TSPAN32: variants seen among roughly 807,000 people sequenced by gnomAD.
TSPAN32 encodes tetraspanin-32.
A neutral mutation model predicts 42.7 loss-of-function variants in TSPAN32; 47 were observed. That is an observed-to-expected ratio of 1.10 (90% CI 0.87 to 1.40). TSPAN32 has a LOEUF of 1.40. TSPAN32 is among the 40% of genes most tolerant of loss of function. The pLI, the probability that TSPAN32 is intolerant of heterozygous loss-of-function variation, is 0.00. For synonymous variants in TSPAN32, 175 were observed against 175.9 expected, an observed-to-expected ratio of 0.99 and a Z score of 0.04; for missense variants, 469 against 424.1, an observed-to-expected ratio of 1.11 and a Z score of -0.93.
Position 2,314,857 on chromosome 11 carries a change from A to T in TSPAN32, c.543+286A>T. On this transcript the variant is annotated intron_variant, in intron 6 of 9. Coordinates refer to ENST00000182290, the MANE Select transcript of TSPAN32 (RefSeq NM_139022.3). ...CATGCGCCATTCACTCCTTCAAGCC[A>T]GTTCCAGCCTGGGGACTTCCCAAGG... 8.6e-6 allele frequency: 4 copies of T among 466,520 alleles called. No individual in the cohort carries two copies. In the South Asian group the frequency reaches 9.1e-5, roughly 11 times the overall value. The allele number at this position is 466,520 out of a possible 1,614,324, so 28.9% of individuals were successfully genotyped here.
rs371556972 is a variant in TSPAN32, at chr11:2,317,452, G to A, written c.828G>A (p.Ser276=). Reference sequence around the variant, plus strand: ...TTGCTATTGGTCCAAGAGGATGCTCGGGTAGTCTTCGGTGGCTGCAGGAGA... The same window carrying A: ...TTGCTATTGGTCCAAGAGGATGCTCAGGTAGTCTTCGGTGGCTGCAGGAGA... ...EAVAIGPRGC[S]GSLRWLQESD... is the part of the protein sequence containing the mutation. Residue 276 remains serine, a synonymous_variant, in exon 9 of 10, where the codon TCG becomes TCA. Transcript: ENST00000182290. The surrounding 1 kb of genome is among the most constrained non-coding windows in gnomAD (Gnocchi z 6.2). 1.4e-5 allele frequency: 23 copies of A among 1,602,822 alleles called. No homozygotes were observed. Among genetic ancestry groups the A allele is most frequent in the Middle Eastern group, 1.7e-4 (1 of 6,056 alleles).
At chr11:2,306,689 T>A (rs963996376) in intron 3 of TSPAN32, among the ~76,000 whole-genome samples, 2 of 150,496 alleles carry the variant, frequency 1.3e-5, no homozygotes, top group Non-Finnish European at 3.0e-5. Context: ...GAGTGATAGC[T>A]TCCAGATGGG....
At chr11:2,309,288 G>A (rs7108898) in intron 4 of TSPAN32, 30,616 of 455,996 alleles carry the variant, frequency 0.067, 1,651 homozygotes, top group African/African-American at 0.19. Flanking sequence ...CGCGGACTGG[G>A]GTGTCGCAGC....
intron 6 of TSPAN32, 186 bp from the exon 7 acceptor site, chr11:2,316,043 G>A (rs1768529267): frequency 2.0e-6 from 3 of 1,534,102 alleles, no homozygotes; most frequent in Non-Finnish European, 1.7e-6. Flanking sequence ...GTCCCACTGG[G>A]CTTCACCTGC....
chr11:2,315,950 C>T (rs1848760532), intron 6 of TSPAN32: 3 of 1,527,030 alleles, frequency 2.0e-6, no homozygotes, highest in Non-Finnish European at 2.6e-6. Flanking sequence ...CAACGTGTGG[C>T]CCAACATGGA....
Position 2,305,884 on chromosome 11 carries a change from C to A in TSPAN32, c.279+1680C>A, listed in dbSNP as rs1848050836. 1.3e-5 allele frequency among the ~76,000 whole-genome samples: 2 copies of A among 152,242 alleles called. 1 individual carries two copies. The highest frequency in any genetic ancestry group is 4.1e-4 in the South Asian group (2 of 4,832). On this transcript the variant is annotated intron_variant, in intron 3 of 9. Coordinates refer to ENST00000182290, the MANE Select transcript of TSPAN32 (RefSeq NM_139022.3). ...CTGGATGGTGAGCTCAGCATGGCCACAGCAGGGAGCTGGGAGACCCCAGTC... is the reference window on the plus strand; with the variant it reads ...CTGGATGGTGAGCTCAGCATGGCCAAAGCAGGGAGCTGGGAGACCCCAGTC...
rs752238139 is a variant in TSPAN32 at position 2,316,396 on chromosome 11, C to T, written c.627+84C>T. 2.1e-5 allele frequency: 33 copies of T among 1,545,064 alleles called. No individual in the cohort carries two copies. The East Asian group carries it at 4.6e-4, about 22-fold the overall frequency. On this transcript the variant is annotated intron_variant, in intron 7 of 9. Transcript: ENST00000182290. ...CCCCGACTCAGATGGAAGGGTGACC[C>T]GGGACAGGATCTCTGGTCTTGAGCC...
chr11:2,314,660 C>A, intron 6 of TSPAN32, 89 bp downstream of exon 6: 1 of 1,067,598 alleles, frequency 9.4e-7, no homozygotes, highest in Admixed American at 2.0e-5. Context: ...GCCATCCTCC[C>A]ACCCCACCCC....
At chr11:2,308,464 C>T (rs4995051) in intron 3 of TSPAN32, among the ~76,000 whole-genome samples, 2 of 13,702 alleles carry the variant, frequency 1.5e-4, no homozygotes. Flanking sequence ...GACCAGCCCC[C>T]AACAGTGACC....
Position 2,304,049 on chromosome 11 carries a change from G to GT in TSPAN32, c.182-57dup, listed in dbSNP as rs1352828401. On this transcript the variant is annotated intron_variant, in intron 2 of 9. Transcript: ENST00000182290. The surrounding 1 kb of genome is among the most constrained non-coding windows in gnomAD (Gnocchi z 4.8). ...AAGTTAGATTTCACACCCAGGCTGT[G>GT]TGCACTCAGGACCTGTCCTGGGCAC... 1 of 1,339,212 alleles carries GT rather than the reference G, an allele frequency of 7.5e-7. No homozygotes were observed. Among genetic ancestry groups the GT allele is most frequent in the African/African-American group, 1.5e-5 (1 of 68,682 alleles). The allele number at this position is 1,339,212 out of a possible 1,614,324, so 83.0% of individuals were successfully genotyped here. A position where few individuals can be genotyped will look rare whatever the true frequency, so the allele number is the denominator to read the frequency against.
chr11:2,316,744 T>A lies in TSPAN32; in HGVS notation c.719+77T>A, dbSNP rs965378370. ...CTCGAGAGGCATCTGCTCTGCCAGC[T>A]GCTAGGAGGGAGCCCCGGGACCAAG... On this transcript the variant is annotated intron_variant, in intron 8 of 9. Transcript: ENST00000182290. 1.1e-5 allele frequency: 16 copies of A among 1,440,858 alleles called. No homozygotes were observed. In the East Asian group the frequency reaches 3.8e-4, roughly 34 times the overall value. The allele number at this position is 1,440,858 out of a possible 1,614,324, so 89.3% of individuals were successfully genotyped here. A position where few individuals can be genotyped will look rare whatever the true frequency, so the allele number is the denominator to read the frequency against.
At chr11:2,306,501 C>T (rs548646323) in intron 3 of TSPAN32, among the ~76,000 whole-genome samples, 105 of 152,042 alleles carry the variant, frequency 6.9e-4, no homozygotes, top group African/African-American at 2.5e-3. Flanking sequence ...GTGGGCCCAT[C>T]CACCACCCAA....
chr11:2,309,761 T>A (rs1431234921), intron 4 of TSPAN32, among the ~76,000 whole-genome samples: 1 of 152,144 alleles, frequency 6.6e-6, no homozygotes, highest in Non-Finnish European at 1.5e-5. Context: ...GTGCAGTTTC[T>A]TGAGCTGTGC....
Position 2,317,543 on chromosome 11 carries a change from G to C in TSPAN32, c.901+18G>C. ...CCACAGAGGTGAAGACGCCCCTGCT[G>C]TCAGCCCTCATGGGATCCCTGAGGG... On this transcript the variant is annotated intron_variant, in intron 9 of 9. Transcript: ENST00000182290. This position sits in a 1 kb window ranked among gnomAD's most constrained non-coding sequence, Gnocchi z 6.2. 6.4e-7 allele frequency: 1 copy of C among 1,560,308 alleles called. No individual in the cohort carries two copies. Among genetic ancestry groups the C allele is most frequent in the South Asian group, 1.2e-5 (1 of 85,756 alleles).
intron 6 of TSPAN32, chr11:2,315,177 C>CCCCA: frequency 1.4e-6 from 1 of 739,136 alleles, no homozygotes; most frequent in Non-Finnish European, 1.8e-6. Flanking sequence ...GCCCACCCTG[C>CCCCA]CCCCTCCCTG....
At chr11:2,306,526 G>A (rs761014189) in intron 3 of TSPAN32, among the ~76,000 whole-genome samples, 3 of 150,350 alleles carry the variant, frequency 2.0e-5, no homozygotes, top group Non-Finnish European at 4.4e-5. Context: ...CTCTCTGCGC[G>A]GGAGGTTGGT....
At chr11:2,314,704 A>G in intron 6 of TSPAN32, 133 bp downstream of exon 6, 3 of 696,404 alleles carry the variant, frequency 4.3e-6, no homozygotes, top group Non-Finnish European at 7.4e-6. Context: ...ACTGCCGCTG[A>G]AGGGCTCAGG....
chr11:2,303,397 C>T (rs908145489), intron 2 of TSPAN32: 6 of 212,602 alleles, frequency 2.8e-5, no homozygotes, highest in Admixed American at 2.3e-4. Flanking sequence ...TCTAGCCAGA[C>T]GCCTCCCTGC....
chr11:2,315,579 G>A (rs940452984), intron 6 of TSPAN32: 29 of 1,176,846 alleles, frequency 2.5e-5, no homozygotes, highest in Admixed American at 3.7e-5. Flanking sequence ...ACCCAGATGG[G>A]CTGGCATGGG....
Sources: gnomAD v4.1 joint callset for allele counts (sites outside exome capture counted in the v4.1 genomes callset) on GRCh38, gnomAD v4.1.1 for gene constraint, Gnocchi (gnomAD v3.1) non-coding constraint, MANE v1.5 for transcripts, NCBI Gene and HGNC (gene_info 2026-07-23, HGNC 2026-07-21) for gene names.